The following COMMD10 variants were observed in gnomAD, a reference collection of about 807,000 sequenced individuals.
The protein encoded by COMMD10 is COMM domain-containing protein 10.
COMMD10 carries 33 observed loss-of-function variants against 28.9 expected under a neutral mutation model. The ratio of observed to expected loss-of-function variants is 1.14; its 90% CI spans 0.87 to 1.53. The LOEUF (loss-of-function observed/expected upper bound fraction) is 1.53, where lower values mean the gene tolerates loss of function less well. COMMD10 is among the 40% of genes most tolerant of loss of function. The pLI, the probability that COMMD10 is intolerant of heterozygous loss-of-function variation, is 0.00. For synonymous variants in COMMD10, 110 were observed against 81.7 expected (o/e 1.35, Z -1.87); for missense variants, 310 against 233.4 (o/e 1.33, Z -2.14).
intron 5 of COMMD10, among the ~76,000 whole-genome samples, chr5:116,228,310 A>T (rs1454965108): frequency 6.6e-6 from 1 of 152,006 alleles, no homozygotes; most frequent in South Asian, 2.1e-4. Context: ...TTTGATAGCT[A>T]ACATCATTTG....
At chr5:116,097,805 CAA>C (rs1009018347) in intron 4 of COMMD10, among the ~76,000 whole-genome samples, 4 of 151,866 alleles carry the variant, frequency 2.6e-5, no homozygotes, top group African/African-American at 7.3e-5. Flanking sequence ...GGAGCAGGAA[CAA>C]GAGAGAGAGG....
intron 5 of COMMD10, among the ~76,000 whole-genome samples, chr5:116,217,378 C>G (rs1417007009): frequency 6.6e-6 from 1 of 152,202 alleles, no homozygotes. Flanking sequence ...CCAATGAAGT[C>G]TTCATCTGAT....
At chr5:116,118,728 G>C (rs4921066) in intron 4 of COMMD10, among the ~76,000 whole-genome samples, 123,560 of 151,842 alleles carry the variant, frequency 0.81, 50,392 homozygotes, top group Non-Finnish European at 0.83. Flanking sequence ...ATTGCTTTAG[G>C]TTGAAACAGA....
At chr5:116,117,758 A>G (rs113089934) in intron 4 of COMMD10, among the ~76,000 whole-genome samples, 1,696 of 152,092 alleles carry the variant, frequency 0.011, 29 homozygotes, top group African/African-American at 0.038. Context: ...GAGCCACCAC[A>G]CCTGGCCTGA....
chr5:116,237,218 G>A (rs1442970803), intron 5 of COMMD10, among the ~76,000 whole-genome samples: 1 of 152,070 alleles, frequency 6.6e-6, no homozygotes, highest in Non-Finnish European at 1.5e-5. Context: ...AATTGAGTGA[G>A]GGAGAGAGAA....
At chr5:116,178,475 A>G (rs956732894) in intron 5 of COMMD10, among the ~76,000 whole-genome samples, 2 of 152,158 alleles carry the variant, frequency 1.3e-5, no homozygotes, top group African/African-American at 2.4e-5. Context: ...ATAAAGTACA[A>G]TAAAATCCCT....
At chr5:116,232,469 C>G (rs560977443) in intron 5 of COMMD10, among the ~76,000 whole-genome samples, 1 of 152,072 alleles carries the variant, frequency 6.6e-6, no homozygotes, top group South Asian at 2.1e-4. Flanking sequence ...TGAAAAGGAC[C>G]TCGGCATAAG....
rs568648092 is a variant in COMMD10, at chr5:116,183,608, G to A, written c.510+49430G>A. ...TTTCTTTGTGTTCTGAGAGAGTGCT[G>A]TTTCTTTATATTTTAAAGAAATAGA... On this transcript the variant is annotated intron_variant, in intron 5 of 6. Coordinates refer to ENST00000274458, the MANE Select transcript of COMMD10 (RefSeq NM_016144.4). Among the ~76,000 whole-genome samples the A allele has an allele frequency of 4.6e-5, 7 of 152,082 alleles. No homozygotes were observed. In the East Asian group the frequency reaches 1.4e-3, roughly 29 times the overall value.
chr5:116,143,758 T>C (rs1752262007), intron 5 of COMMD10, among the ~76,000 whole-genome samples: 1 of 151,914 alleles, frequency 6.6e-6, no homozygotes. Context: ...AAATATGCAC[T>C]AACTTTTTAA....
chr5:116,251,463 C>T (rs1349005904), intron 5 of COMMD10, among the ~76,000 whole-genome samples: 2 of 135,568 alleles, frequency 1.5e-5, no homozygotes, highest in Non-Finnish European at 3.1e-5. Flanking sequence ...ACACAACAGT[C>T]CCCAGAGTGT....
intron 5 of COMMD10, among the ~76,000 whole-genome samples, chr5:116,179,454 C>T (rs993300598): frequency 2.0e-5 from 3 of 151,996 alleles, no homozygotes; most frequent in East Asian, 3.9e-4. Context: ...TAAATACCCA[C>T]GAGCCTGTGT....
intron 5 of COMMD10, among the ~76,000 whole-genome samples, chr5:116,165,733 C>T (rs865974297): frequency 6.6e-6 from 1 of 151,952 alleles, no homozygotes; most frequent in East Asian, 1.9e-4. Context: ...CTAATCTAGT[C>T]TTCAGAGAGA....
intron 5 of COMMD10, among the ~76,000 whole-genome samples, chr5:116,240,963 A>AT (rs1169736524): frequency 6.6e-6 from 1 of 152,150 alleles, no homozygotes; most frequent in African/African-American, 2.4e-5. Context: ...AGGTAGATCC[A>AT]TTTTTTGTTA....
At chr5:116,257,042 TG>T (rs1373960679) in intron 5 of COMMD10, among the ~76,000 whole-genome samples, 1 of 151,804 alleles carries the variant, frequency 6.6e-6, no homozygotes, top group Non-Finnish European at 1.5e-5. Flanking sequence ...GTGCTGTTTT[TG>T]TTAAAAGGTT....
At chr5:116,191,347 G>GA (rs574124934) in intron 5 of COMMD10, among the ~76,000 whole-genome samples, 334 of 152,144 alleles carry the variant, frequency 2.2e-3, no homozygotes, top group African/African-American at 7.6e-3. Context: ...ACAGGTGGGG[G>GA]AAGAATGAAG....
intron 5 of COMMD10, among the ~76,000 whole-genome samples, chr5:116,172,787 T>C (rs553938652): frequency 2.6e-5 from 4 of 152,268 alleles, no homozygotes; most frequent in East Asian, 3.9e-4. Context: ...TTACTAACCT[T>C]TCCTCATCTG....
chr5:116,222,245 A>T (rs567948873), intron 5 of COMMD10, among the ~76,000 whole-genome samples: 26 of 152,204 alleles, frequency 1.7e-4, no homozygotes, highest in Non-Finnish European at 3.5e-4. Context: ...AGTTGAAGAA[A>T]ATAAATAGTA....
chr5:116,149,541 T>C (rs1035025971), intron 5 of COMMD10, among the ~76,000 whole-genome samples: 60 of 143,732 alleles, frequency 4.2e-4, no homozygotes, highest in African/African-American at 1.2e-3. Flanking sequence ...TTTTAATGAT[T>C]GCCATTCTAA....
intron 5 of COMMD10, among the ~76,000 whole-genome samples, chr5:116,276,421 G>C (rs1750915068): frequency 6.6e-6 from 1 of 151,436 alleles, no homozygotes; most frequent in African/African-American, 2.4e-5. Flanking sequence ...ATTTTTAGTA[G>C]AGACAGGGTT....
Sources: gnomAD v4.1 joint callset for allele counts (sites outside exome capture counted in the v4.1 genomes callset) on GRCh38, gnomAD v4.1.1 for gene constraint, MANE v1.5 for transcripts, NCBI Gene and HGNC (gene_info 2026-07-23, HGNC 2026-07-21) for gene names.